CDC42BPA: variants seen among roughly 807,000 people sequenced by gnomAD.
CDC42BPA encodes the protein CDC42 binding protein kinase alpha, also known as serine/threonine-protein kinase MRCK alpha.
In CDC42BPA, 80 loss-of-function variants were observed where a neutral mutation model predicts 223.5. The observed-to-expected ratio is 0.36, with a 90% CI of 0.30 to 0.43. The LOEUF is 0.43. Ranked by LOEUF, CDC42BPA falls within the 20% of genes least tolerant of loss-of-function variation. CDC42BPA has a pLI of 1.00. For synonymous variants in CDC42BPA, 694 were observed against 718.6 expected (o/e 0.97, Z 0.55); for missense variants, 1,743 against 2,099.9 (o/e 0.83, Z 3.32).
At chr1:227,241,503 T>C (rs1680006695) in intron 2 of CDC42BPA, among the ~76,000 whole-genome samples, 1 of 152,100 alleles carries the variant, frequency 6.6e-6, no homozygotes, top group African/African-American at 2.4e-5. Context: ...TGCTCAGTAA[T>C]AAAAACGATT....
intron 1 of CDC42BPA, among the ~76,000 whole-genome samples, chr1:227,277,023 A>G (rs1188751974): frequency 6.6e-6 from 1 of 151,526 alleles, no homozygotes. Context: ...CTATTGTCCT[A>G]TGACCCTGCC....
In CDC42BPA at chr1:227,184,798, G is replaced by A. The variant is rs550140542; in HGVS notation, c.599+8988C>T. Reference sequence around the variant, plus strand: ...ATAAAGAATAAAGACTAAGTCTGTAGATCAATTTGGGAAGAACTGACATCT... The same window carrying A: ...ATAAAGAATAAAGACTAAGTCTGTAAATCAATTTGGGAAGAACTGACATCT... On this transcript the variant is annotated intron_variant, in intron 5 of 36. Transcript: ENST00000366766. 2.0e-5 allele frequency among the ~76,000 whole-genome samples: 3 copies of A among 152,218 alleles called. No individual in the cohort carries two copies. The South Asian group carries it at 6.2e-4, about 32-fold the overall frequency.
intron 16 of CDC42BPA, among the ~76,000 whole-genome samples, chr1:227,088,122 C>T (rs1682345557): frequency 6.6e-6 from 1 of 152,142 alleles, no homozygotes. Flanking sequence ...CTCCGGAGCC[C>T]GACTACCTGT....
At chr1:227,272,771 G>T (rs544878950) in intron 1 of CDC42BPA, among the ~76,000 whole-genome samples, 135 of 151,610 alleles carry the variant, frequency 8.9e-4, no homozygotes, top group African/African-American at 3.1e-3. Context: ...TATTTTTAAA[G>T]TCATAAACCA....
At chr1:227,231,797 T>C (rs913776549) in intron 2 of CDC42BPA, among the ~76,000 whole-genome samples, 36 of 152,340 alleles carry the variant, frequency 2.4e-4, no homozygotes, top group African/African-American at 8.2e-4. Flanking sequence ...GAGAAGTGTC[T>C]GTTCATATCC....
intron 10 of CDC42BPA, among the ~76,000 whole-genome samples, chr1:227,135,423 T>A (rs939976837): frequency 6.6e-6 from 1 of 151,972 alleles, no homozygotes; most frequent in African/African-American, 2.4e-5. Context: ...AATTTGGAAA[T>A]GGTATAGGGC....
At chr1:227,316,982 T>C (rs1441983371) in intron 1 of CDC42BPA, 23 bp downstream of exon 1, 61 of 1,569,730 alleles carry the variant, frequency 3.9e-5, no homozygotes, top group Non-Finnish European at 5.2e-5. Context: ...GATTAACAGT[T>C]TCTTTAAAAA....
intron 16 of CDC42BPA, among the ~76,000 whole-genome samples, chr1:227,084,777 G>C (rs935868444): frequency 6.6e-6 from 1 of 152,046 alleles, no homozygotes; most frequent in African/African-American, 2.4e-5. Flanking sequence ...TTGTCAACTT[G>C]ACTGGTCCAC....
chr1:227,001,933 A>C (rs529254144), intron 35 of CDC42BPA, among the ~76,000 whole-genome samples: 2 of 152,236 alleles, frequency 1.3e-5, no homozygotes, highest in South Asian at 2.1e-4. Context: ...AAAAACAAAA[A>C]ACAAAAACGC....
intron 35 of CDC42BPA, among the ~76,000 whole-genome samples, chr1:227,003,850 GGA>G (rs1290476795): frequency 3.3e-5 from 5 of 151,998 alleles, no homozygotes; most frequent in African/African-American, 1.2e-4. Flanking sequence ...CAAAAAAAAC[GGA>G]GAGAGAGACT....
chr1:227,317,047 G>C lies in CDC42BPA; in HGVS notation c.136C>G (p.Pro46Ala), dbSNP rs1375803870. Reference sequence around the variant, plus strand: ...AGAATGTTCTTCTCTCTTCTCAATGGAGAATTATTGCATTCATCATAAAGG... The same window carrying C: ...AGAATGTTCTTCTCTCTTCTCAATGCAGAATTATTGCATTCATCATAAAGG... ...ICLYDECNNS[P>A]LRREKNILEY... The change falls in exon 1 of 37, where the codon CCA (proline) becomes GCA (alanine). Residue 46 changes from proline (P) to alanine (A), a missense_variant. By Grantham distance (27) the Pro-to-Ala change is conservative (BLOSUM62 -1). Transcript: ENST00000366766. 2 of 1,613,538 alleles carry C rather than the reference G, an allele frequency of 1.2e-6. No individual in the cohort carries two copies. The highest frequency in any genetic ancestry group is 1.7e-6 in the Non-Finnish European group (2 of 1,179,720).
chr1:227,200,918 A>T (rs2150231296), intron 3 of CDC42BPA, among the ~76,000 whole-genome samples: 1 of 152,262 alleles, frequency 6.6e-6, no homozygotes, highest in Non-Finnish European at 1.5e-5. Context: ...TTATTCCTTT[A>T]ATTAACATAT....
intron 1 of CDC42BPA, among the ~76,000 whole-genome samples, chr1:227,312,482 T>C (rs888320463): frequency 3.3e-5 from 5 of 152,342 alleles, no homozygotes; most frequent in African/African-American, 1.2e-4. Context: ...TACATTTCCA[T>C]ATAAAATAAA....
At chr1:227,080,579 A>G (rs538065513) in intron 17 of CDC42BPA, among the ~76,000 whole-genome samples, 1 of 152,164 alleles carries the variant, frequency 6.6e-6, no homozygotes, top group Non-Finnish European at 1.5e-5. Context: ...AGAAACATCC[A>G]TAGGTAGCAG....
intron 3 of CDC42BPA, among the ~76,000 whole-genome samples, chr1:227,200,255 A>G (rs1177601327): frequency 2.0e-5 from 3 of 152,040 alleles, no homozygotes; most frequent in Non-Finnish European, 2.9e-5. Flanking sequence ...ACATGGTGAA[A>G]ACCTGTCTCT....
chr1:227,309,203 CAAA>C (rs35336462), intron 1 of CDC42BPA, among the ~76,000 whole-genome samples: 29,312 of 129,880 alleles, frequency 0.23, 3,363 homozygotes, highest in African/African-American at 0.31. Flanking sequence ...CTATCTCTAC[CAAA>C]AAAAAAAAAA....
chr1:227,168,497 G>GTTTGTTTTTTTTTTTTTTTTTTTT (rs1665475251), intron 5 of CDC42BPA, among the ~76,000 whole-genome samples: 1 of 80,196 alleles, frequency 1.2e-5, no homozygotes, highest in African/African-American at 5.0e-5. Context: ...CTTCCCTGGT[G>GTTTGTTTTTTTTTTTTTTTTTTTT]TTTTTTTTTT....
intron 11 of CDC42BPA, 122 bp downstream of exon 11, chr1:227,128,987 C>T: frequency 1.4e-6 from 1 of 697,310 alleles, no homozygotes; most frequent in Middle Eastern, 4.2e-4. Flanking sequence ...TTGCCCTTCC[C>T]TGACTAGCAT....
chr1:227,129,728 C>A (rs1656674369), intron 10 of CDC42BPA, among the ~76,000 whole-genome samples: 2 of 111,636 alleles, frequency 1.8e-5, no homozygotes, highest in Non-Finnish European at 3.8e-5. Flanking sequence ...AAAGAATCCA[C>A]CTTCTAATAA....
Sources: gnomAD v4.1 joint callset for allele counts (sites outside exome capture counted in the v4.1 genomes callset) on GRCh38, gnomAD v4.1.1 for gene constraint, MANE v1.5 for transcripts, NCBI Gene and HGNC (gene_info 2026-07-23, HGNC 2026-07-21) for gene names.